The following SEZ6L variants were observed in gnomAD, a reference collection of about 807,000 sequenced individuals.
SEZ6L encodes seizure 6-like protein.
A neutral mutation model predicts 106.2 loss-of-function variants in SEZ6L; 37 were observed. The ratio of observed to expected loss-of-function variants is 0.35; its 90% CI spans 0.27 to 0.46. SEZ6L has a LOEUF of 0.46. SEZ6L is among the 20% of genes least tolerant of loss of function. SEZ6L has a pLI of 1.00. For synonymous variants in SEZ6L, 541 were observed against 570.4 expected, an observed-to-expected ratio of 0.95 and a Z score of 0.73; for missense variants, 1,172 against 1,332.8, an observed-to-expected ratio of 0.88 and a Z score of 1.88.
At chr22:26,276,719 G>T (rs573224583) in intron 1 of SEZ6L, among the ~76,000 whole-genome samples, 2 of 152,120 alleles carry the variant, frequency 1.3e-5, no homozygotes, top group African/African-American at 2.4e-5. Context: ...CCCCTTGCTG[G>T]CTACCTGCAA....
chr22:26,296,440 C>A (rs183087568), intron 3 of SEZ6L, among the ~76,000 whole-genome samples: 19 of 152,346 alleles, frequency 1.2e-4, no homozygotes, highest in Admixed American at 1.2e-3. Flanking sequence ...AAACATTGAA[C>A]AGCATGGAGA....
rs370320898 is a variant in SEZ6L, at chr22:26,312,790, G to A, written c.1876+828G>A. Among the ~76,000 whole-genome samples the A allele has an allele frequency of 2.3e-4, 35 of 152,246 alleles. No individual in the cohort carries two copies. The East Asian group carries it at 2.7e-3, about 12-fold the overall frequency. On this transcript the variant is annotated intron_variant, in intron 8 of 16. Coordinates refer to ENST00000248933, the MANE Select transcript of SEZ6L (RefSeq NM_021115.5). ...TCACCATATCAGCCAGGCTGGTCTC[G>A]AACTCCTGACCTCAAGTGATCCACC...
At chr22:26,329,998 A>G (rs750120198) in intron 9 of SEZ6L, among the ~76,000 whole-genome samples, 3 of 152,262 alleles carry the variant, frequency 2.0e-5, no homozygotes, top group Non-Finnish European at 2.9e-5. Context: ...TCTTGCCTGA[A>G]GGGCAAGATA....
At chr22:26,284,356 C>T (rs1172906724) in intron 1 of SEZ6L, among the ~76,000 whole-genome samples, 2 of 152,142 alleles carry the variant, frequency 1.3e-5, no homozygotes, top group African/African-American at 4.8e-5. Flanking sequence ...CCTATAATCC[C>T]AGCACTTTGG....
At chr22:26,309,610 G>A (rs889511030) in intron 6 of SEZ6L, among the ~76,000 whole-genome samples, 3 of 151,910 alleles carry the variant, frequency 2.0e-5, no homozygotes, top group African/African-American at 7.3e-5. Flanking sequence ...ACCGAGTCTT[G>A]CTCTGTCACC....
At chr22:26,367,474 GC>G in intron 13 of SEZ6L, among the ~76,000 whole-genome samples, 1 of 152,170 alleles carries the variant, frequency 6.6e-6, no homozygotes, top group South Asian at 2.1e-4. Context: ...CTCGCGAGTG[GC>G]TGGGACCACA....
intron 3 of SEZ6L, among the ~76,000 whole-genome samples, chr22:26,295,672 A>T (rs2081280450): frequency 6.6e-6 from 1 of 152,228 alleles, no homozygotes; most frequent in African/African-American, 2.4e-5. Flanking sequence ...GTATGTGTCC[A>T]GTACTGTGTG....
At chr22:26,171,859 A>T (rs541640557) in intron 1 of SEZ6L, among the ~76,000 whole-genome samples, 6 of 152,198 alleles carry the variant, frequency 3.9e-5, no homozygotes, top group African/African-American at 1.4e-4. Context: ...GACCTTCCAC[A>T]ATAAATTCTA....
intron 10 of SEZ6L, among the ~76,000 whole-genome samples, chr22:26,341,272 CA>C (rs55747168): frequency 0.41 from 61,406 of 149,854 alleles, 12,511 homozygotes; most frequent in South Asian, 0.49. Flanking sequence ...ACAAACAAAA[CA>C]AAAAAAAAAC....
chr22:26,249,714 G>A (rs768828561), intron 1 of SEZ6L, among the ~76,000 whole-genome samples: 3 of 152,152 alleles, frequency 2.0e-5, no homozygotes, highest in Non-Finnish European at 2.9e-5. Flanking sequence ...TTGCTGGATC[G>A]TAAGGTAGTT....
At chr22:26,230,985 A>C (rs2078780892) in intron 1 of SEZ6L, among the ~76,000 whole-genome samples, 1 of 152,208 alleles carries the variant, frequency 6.6e-6, no homozygotes, top group Admixed American at 6.5e-5. Flanking sequence ...AGCAAGCCCC[A>C]AAACTGGGGC....
intron 1 of SEZ6L, among the ~76,000 whole-genome samples, chr22:26,269,112 G>T (rs1569432733): frequency 6.6e-6 from 1 of 152,276 alleles, no homozygotes; most frequent in Middle Eastern, 3.4e-3. Context: ...TGCTGTGCTG[G>T]TATAATGGCA....
Position 26,281,154 on chromosome 22 carries a change from TAATG to T in SEZ6L, c.95-11251_95-11248del, listed in dbSNP as rs2080748606. On this transcript the variant is annotated intron_variant, in intron 1 of 16. Transcript: ENST00000248933. ...ACAAATGGATTAACTACTCCTGAATTAATGGATTAATGGATTAATGGGTTATCAT... is the reference window on the plus strand; with the variant it reads ...ACAAATGGATTAACTACTCCTGAATTGATTAATGGATTAATGGGTTATCAT... 2.1e-5 allele frequency among the ~76,000 whole-genome samples: 3 copies of T among 143,206 alleles called. No homozygotes were observed. The South Asian group carries it at 6.7e-4, about 32-fold the overall frequency. The allele number at this position is 143,206 out of a possible 152,430, so 93.9% of individuals were successfully genotyped here. A position where few individuals can be genotyped will look rare whatever the true frequency, so the allele number is the denominator to read the frequency against.
At chr22:26,279,251 C>A (rs1001801401) in intron 1 of SEZ6L, among the ~76,000 whole-genome samples, 1 of 152,104 alleles carries the variant, frequency 6.6e-6, no homozygotes, top group East Asian at 1.9e-4. Context: ...TAGGCAGACC[C>A]AGTATTGAGA....
chr22:26,236,400 C>G (rs191512762), intron 1 of SEZ6L, among the ~76,000 whole-genome samples: 15 of 152,276 alleles, frequency 9.9e-5, no homozygotes, highest in African/African-American at 3.1e-4. Flanking sequence ...CCATTGCCAG[C>G]GGCTCTCCAA....
chr22:26,220,776 G>C (rs2078441443), intron 1 of SEZ6L, among the ~76,000 whole-genome samples: 2 of 152,174 alleles, frequency 1.3e-5, no homozygotes, highest in Admixed American at 6.5e-5. Flanking sequence ...AGCTTAGCAT[G>C]GGGTTTAGCA....
chr22:26,304,002 C>G (rs1420347474), intron 5 of SEZ6L, among the ~76,000 whole-genome samples: 2 of 152,136 alleles, frequency 1.3e-5, no homozygotes, highest in Non-Finnish European at 2.9e-5. Flanking sequence ...ATCCCTTCCT[C>G]CTGGACTGAC....
chr22:26,226,549 C>G (rs1019861441), intron 1 of SEZ6L, among the ~76,000 whole-genome samples: 1 of 152,162 alleles, frequency 6.6e-6, no homozygotes, highest in African/African-American at 2.4e-5. Flanking sequence ...AGTAAATACA[C>G]CTTTGTGGGT....
chr22:26,256,479 G>A (rs2079825267), intron 1 of SEZ6L, among the ~76,000 whole-genome samples: 1 of 152,218 alleles, frequency 6.6e-6, no homozygotes, highest in Non-Finnish European at 1.5e-5. Context: ...CCACAGTACA[G>A]AAGTTCTCGG....
Sources: allele counts gnomAD v4.1 joint callset (sites outside exome capture counted in the v4.1 genomes callset), GRCh38; gene constraint gnomAD v4.1.1; transcripts MANE v1.5; gene names NCBI Gene and HGNC (gene_info 2026-07-23, HGNC 2026-07-21).